KCMF1: variants seen among roughly 807,000 people sequenced by gnomAD.
KCMF1 encodes the protein E3 ubiquitin-protein ligase KCMF1.
A neutral mutation model predicts 41.1 loss-of-function variants in KCMF1; 3 were observed. The ratio of observed to expected loss-of-function variants is 0.07; its 90% CI spans 0.03 to 0.19. The LOEUF (loss-of-function observed/expected upper bound fraction) is 0.19. KCMF1 is among the 10% of genes least tolerant of loss of function. KCMF1 has a pLI of 1.00. For synonymous variants in KCMF1, 142 were observed against 164.5 expected (o/e 0.86, Z 1.04); for missense variants, 286 against 488.9 (o/e 0.58, Z 3.91).
chr2:85,059,239 G>A lies in KCMF1; in HGVS notation c.*5830G>A, dbSNP rs545142536. ...AATATATAGTATGCTAATTAGCAGT[G>A]TCTGTTGAATTGCCCTATCGGATAG... On this transcript the variant is annotated 3_prime_UTR_variant, in exon 7 of 7. Transcript: ENST00000409785. 3 of 152,282 alleles carry A rather than the reference G, an allele frequency of 2.0e-5. No homozygotes were observed. In the South Asian group the frequency reaches 6.2e-4, roughly 32 times the overall value. The allele number at this position is 152,282 out of a possible 1,614,324, so 9.4% of individuals were successfully genotyped here.
In KCMF1 at chr2:85,046,250, C is replaced by T; in HGVS notation, c.573C>T (p.Ser191=). The change falls in exon 5 of 7, where the codon AGC becomes AGT. Residue 191 remains serine, a synonymous_variant. Coordinates refer to ENST00000409785, the MANE Select transcript of KCMF1 (RefSeq NM_020122.5). ...LSSSQSSYSP[S]NREAMDPIAE... The stretch of plus-strand genomic sequence containing the variant: ...CTTCTCAGAGTTCATATTCTCCAAG[C>T]AATAGGGAAGCCATGGATCCTATAG... 6.2e-7 allele frequency: 1 copy of T among 1,612,944 alleles called. No individual in the cohort carries two copies. The highest frequency in any genetic ancestry group is 8.5e-7 in the Non-Finnish European group (1 of 1,179,338).
chr2:85,012,721 A>G (rs1294906540), intron 1 of KCMF1, among the ~76,000 whole-genome samples: 2 of 152,258 alleles, frequency 1.3e-5, no homozygotes, highest in South Asian at 2.1e-4. Context: ...AGTATTCTCT[A>G]TACTTTGTAT....
chr2:85,028,249 C>G (rs1181883122), intron 2 of KCMF1, among the ~76,000 whole-genome samples, 193 bp downstream of exon 2: 4 of 152,118 alleles, frequency 2.6e-5, no homozygotes, highest in Non-Finnish European at 4.4e-5. Context: ...ATGGCGCGAT[C>G]TTGGCTCACT....
chr2:85,004,238 G>A (rs1227854495), intron 1 of KCMF1, among the ~76,000 whole-genome samples: 2 of 152,094 alleles, frequency 1.3e-5, no homozygotes, highest in Non-Finnish European at 2.9e-5. Flanking sequence ...GGGGCGGGGC[G>A]TGGTGGCTCA....
rs11554334 is a variant in KCMF1 at position 84,971,192 on chromosome 2, G to T, written c.-260G>T. 6.8e-6 allele frequency: 1 copy of T among 146,522 alleles called. No individual in the cohort carries two copies. Among genetic ancestry groups the T allele is most frequent in the Admixed American group, 6.8e-5 (1 of 14,786 alleles). 9.1% of individuals were successfully genotyped at this position (146,522 alleles called of 1,614,324 possible). A position where few individuals can be genotyped will look rare whatever the true frequency, so the allele number is the denominator to read the frequency against. ...GAGAGTGACCGGAGTCACGGCGGGC[G>T]CCGGCGGAGCTGCGGCGTCGGACCC... is the stretch of plus-strand genomic sequence containing the variant. On this transcript the variant is annotated 5_prime_UTR_variant, in exon 1 of 7. Coordinates refer to ENST00000409785, the MANE Select transcript of KCMF1 (RefSeq NM_020122.5).
chr2:85,048,707 C>T (rs1253234156), intron 5 of KCMF1, among the ~76,000 whole-genome samples: 2 of 152,168 alleles, frequency 1.3e-5, no homozygotes, highest in Non-Finnish European at 2.9e-5. Flanking sequence ...TCATAACAGG[C>T]CACTAAGTAG....
chr2:85,022,172 A>G (rs17498115), intron 1 of KCMF1, among the ~76,000 whole-genome samples: 10,129 of 151,944 alleles, frequency 0.067, 582 homozygotes, highest in East Asian at 0.34. Flanking sequence ...TCAACAAACA[A>G]TAAGAATCTA....
intron 1 of KCMF1, among the ~76,000 whole-genome samples, chr2:84,973,477 T>C (rs1030091834): frequency 6.6e-6 from 1 of 152,196 alleles, no homozygotes. Flanking sequence ...TAGTAACTTA[T>C]GTTAATGTCA....
chr2:85,052,127 T>C (rs1675823061), intron 6 of KCMF1, among the ~76,000 whole-genome samples: 1 of 152,222 alleles, frequency 6.6e-6, no homozygotes, highest in African/African-American at 2.4e-5. Context: ...TGGAGTGCAA[T>C]GGCACGATCT....
intron 1 of KCMF1, among the ~76,000 whole-genome samples, chr2:85,005,288 A>AT (rs1232001439): frequency 7.4e-5 from 11 of 149,568 alleles, no homozygotes; most frequent in African/African-American, 2.7e-4. Flanking sequence ...TTTTTTATTT[A>AT]TTTATTTATT....
At position 85,049,432 on chromosome 2, in the gene KCMF1, C is replaced by T; in HGVS notation, c.668C>T (p.Ser223Phe). 1 of 1,614,054 alleles carries T rather than the reference C, an allele frequency of 6.2e-7. No homozygotes were observed. The highest frequency in any genetic ancestry group is 8.5e-7 in the Non-Finnish European group (1 of 1,179,902). Residue 223 changes from serine to phenylalanine, a missense_variant, in exon 6 of 7, where the codon TCC becomes TTC. This residue lies in a region of KCMF1 where 191 missense variants were observed against 279.3 expected (regional missense o/e 0.68). Coordinates refer to ENST00000409785, the MANE Select transcript of KCMF1 (RefSeq NM_020122.5). ...GGACAGCTTAATTCCTCTGGCCCTT[C>T]CGCTTCTCAGTTACAACAACTGCAG... ...AGGQLNSSGP[S>F]ASQLQQLQMQ...
chr2:85,053,437 T>C lies in KCMF1; in HGVS notation c.*28T>C, dbSNP rs1178507360. On this transcript the variant is annotated 3_prime_UTR_variant, in exon 7 of 7. Transcript: ENST00000409785. ...ACATCCCAATTCGCAGACAATGTCC[T>C]CTGTGCTGTATTTGCCAATGAAAGT... is the stretch of plus-strand genomic sequence containing the variant. The C allele has an allele frequency of 1.3e-6, 2 of 1,597,554 alleles. No homozygotes were observed. Among genetic ancestry groups the C allele is most frequent in the East Asian group, 2.2e-5 (1 of 44,668 alleles).
chr2:85,013,290 C>A (rs1019953542), intron 1 of KCMF1, among the ~76,000 whole-genome samples: 12 of 151,942 alleles, frequency 7.9e-5, no homozygotes, highest in African/African-American at 2.9e-4. Flanking sequence ...AAATATAGAC[C>A]CAGGGCAGAT....
chr2:85,002,183 C>T (rs903114295), intron 1 of KCMF1, among the ~76,000 whole-genome samples: 3 of 152,156 alleles, frequency 2.0e-5, no homozygotes, highest in African/African-American at 7.2e-5. Context: ...TAGCTTTGTT[C>T]TTTACATTCT....
intron 1 of KCMF1, among the ~76,000 whole-genome samples, chr2:84,979,076 G>T (rs1291322571): frequency 6.6e-6 from 1 of 151,964 alleles, no homozygotes; most frequent in Non-Finnish European, 1.5e-5. Context: ...TCGAACTCCT[G>T]ACCTCAAGTG....
At chr2:85,021,585 G>A (rs970549145) in intron 1 of KCMF1, among the ~76,000 whole-genome samples, 2 of 151,502 alleles carry the variant, frequency 1.3e-5, no homozygotes, top group Admixed American at 6.6e-5. Context: ...TTGCGCCACT[G>A]CACTCCAGCC....
chr2:84,976,042 T>C (rs1262874688), intron 1 of KCMF1, among the ~76,000 whole-genome samples: 1 of 152,146 alleles, frequency 6.6e-6, no homozygotes, highest in Non-Finnish European at 1.5e-5. Flanking sequence ...GCAAGGAAGA[T>C]GCATTTTTTA....
chr2:84,978,006 CT>C (rs79184611), intron 1 of KCMF1, among the ~76,000 whole-genome samples: 2,387 of 145,700 alleles, frequency 0.016, 31 homozygotes, highest in South Asian at 0.069. Flanking sequence ...TAGCAGCAAT[CT>C]TTTTTTTTTT....
At chr2:85,012,956 C>G (rs191079581) in intron 1 of KCMF1, among the ~76,000 whole-genome samples, 2 of 152,224 alleles carry the variant, frequency 1.3e-5, no homozygotes, top group East Asian at 1.9e-4. Context: ...GATAACTGCT[C>G]TATATGTGGA....
Sources: gnomAD v4.1 joint callset for allele counts (sites outside exome capture counted in the v4.1 genomes callset) on GRCh38, gnomAD v4.1.1 for gene constraint, gnomAD v4.1.1 regional missense constraint, MANE v1.5 for transcripts, NCBI Gene and HGNC (gene_info 2026-07-23, HGNC 2026-07-21) for gene names.